The following PPP1R27 variants were observed in gnomAD, a reference collection of about 807,000 sequenced individuals.
The protein encoded by PPP1R27 is dysferlin interacting protein 1.
In PPP1R27, 10 loss-of-function variants were observed where a neutral mutation model predicts 12.0. That is an observed-to-expected ratio of 0.84 (90% CI 0.52 to 1.42). The LOEUF (loss-of-function observed/expected upper bound fraction) is 1.42, where lower values mean the gene tolerates loss of function less well. Among genes scored for constraint, PPP1R27 ranks in the 40% most tolerant of loss-of-function variants. The probability of loss-of-function intolerance (pLI) is 0.00; values close to 1 mark genes in which losing one functional copy is unlikely to be tolerated. For missense variants in PPP1R27, 246 were observed against 215.3 expected, an observed-to-expected ratio of 1.14 and a Z score of -0.89; for synonymous variants, 98 against 89.3, an observed-to-expected ratio of 1.10 and a Z score of -0.55.
Position 81,833,584 on chromosome 17 carries a change from C to T in PPP1R27, c.*145G>A. 4 of 793,312 alleles carry T rather than the reference C, an allele frequency of 5.0e-6. No individual in the cohort carries two copies. The highest frequency in any genetic ancestry group is 6.2e-5 in the Admixed American group (2 of 32,134). 49.1% of individuals were successfully genotyped at this position (793,312 alleles called of 1,614,324 possible). On this transcript the variant is annotated 3_prime_UTR_variant, in exon 3 of 3. Transcript: ENST00000330261. ...GTAAAAAATTCACCTGGGGACAAAG[C>T]CAGGCCTAGGAGGGGTGGCGGGGTC... is the stretch of plus-strand genomic sequence containing the variant.
Position 81,833,704 on chromosome 17 carries a change from G to C in PPP1R27, c.*25C>G. 1 of 1,543,720 alleles carries C rather than the reference G, an allele frequency of 6.5e-7. No individual in the cohort carries two copies. Among genetic ancestry groups the C allele is most frequent in the Non-Finnish European group, 8.7e-7 (1 of 1,145,848 alleles). ...CTTCTCCAGGGAGGCGGCCCTGGGCGCGGGGGCGGGCGGGCAAAGCTGGCT... is the reference window on the plus strand; with the variant it reads ...CTTCTCCAGGGAGGCGGCCCTGGGCCCGGGGGCGGGCGGGCAAAGCTGGCT... On this transcript the variant is annotated 3_prime_UTR_variant, in exon 3 of 3. Transcript: ENST00000330261.
In PPP1R27 at chr17:81,834,642, A is replaced by G. The variant is rs748377760; in HGVS notation, c.202T>C (p.Leu68=). The G allele has an allele frequency of 1.9e-6, 3 of 1,614,126 alleles. No individual in the cohort carries two copies. In the East Asian group the frequency reaches 6.7e-5, roughly 36 times the overall value. ...TTTCCAGAGAGCACGGCTTCATGCA[A>G]GGCGGCCAGGCCTGGGCAGGGAGGA... is the stretch of plus-strand genomic sequence containing the variant. ...ATIHPSGLAA[L]HEAVLSGNLE... The change falls in exon 2 of 3, where the codon TTG becomes CTG. Residue 68 remains leucine, a synonymous_variant. Coordinates refer to ENST00000330261, the MANE Select transcript of PPP1R27 (RefSeq NM_001007533.4).
intron 2 of PPP1R27, 60 bp from the exon 3 acceptor site, chr17:81,833,912 A>G (rs948740621): frequency 1.9e-6 from 3 of 1,560,822 alleles, no homozygotes; most frequent in Non-Finnish European, 2.6e-6. Context: ...GCTCGCCCCA[A>G]CCCGGGTCAG....
Position 81,833,698 on chromosome 17 carries a change from C to G in PPP1R27, c.*31G>C. ...GCGCGGCTTCTCCAGGGAGGCGGCC[C>G]TGGGCGCGGGGGCGGGCGGGCAAAG... On this transcript the variant is annotated 3_prime_UTR_variant, in exon 3 of 3. Transcript: ENST00000330261. 6 of 1,542,484 alleles carry G rather than the reference C, an allele frequency of 3.9e-6. No homozygotes were observed. The highest frequency in any genetic ancestry group is 1.2e-5 in the South Asian group (1 of 83,886).
At chr17:81,834,034 G>T in intron 2 of PPP1R27, 182 bp from the exon 3 acceptor site, 1 of 662,028 alleles carries the variant, frequency 1.5e-6, no homozygotes, top group Non-Finnish European at 2.5e-6. Context: ...AGCTTTTCAA[G>T]TTGGTTCTAT....
rs2038570858 is a variant in PPP1R27, at chr17:81,833,575, G to C, written c.*154C>G. 1 of 732,086 alleles carries C rather than the reference G, an allele frequency of 1.4e-6. No homozygotes were observed. 45.3% of individuals were successfully genotyped at this position (732,086 alleles called of 1,614,324 possible). ...AGTGTCACAGTAAAAAATTCACCTGGGGACAAAGCCAGGCCTAGGAGGGGT... is the reference window on the plus strand; with the variant it reads ...AGTGTCACAGTAAAAAATTCACCTGCGGACAAAGCCAGGCCTAGGAGGGGT... On this transcript the variant is annotated 3_prime_UTR_variant, in exon 3 of 3. Transcript: ENST00000330261.
At chr17:81,833,921 A>T in intron 2 of PPP1R27, 69 bp from the exon 3 acceptor site, 1 of 1,539,394 alleles carries the variant, frequency 6.5e-7, no homozygotes, top group Non-Finnish European at 8.8e-7. Context: ...AACCCGGGTC[A>T]GAGGGCCAGA....
At position 81,833,720 on chromosome 17, in the gene PPP1R27, A is replaced by G. The variant is rs2038573686; in HGVS notation, c.*9T>C. ...GCCCTGGGCGCGGGGGCGGGCGGGC[A>G]AAGCTGGCTCAGTCCATCGTGGTCC... On this transcript the variant is annotated 3_prime_UTR_variant, in exon 3 of 3. Coordinates refer to ENST00000330261, the MANE Select transcript of PPP1R27 (RefSeq NM_001007533.4). The G allele has an allele frequency of 2.6e-6, 4 of 1,547,026 alleles. No homozygotes were observed. Among genetic ancestry groups the G allele is most frequent in the Non-Finnish European group, 8.7e-7 (1 of 1,146,510 alleles).
rs760978001 is a variant in PPP1R27 at position 81,834,648 on chromosome 17, C to T, written c.196G>A (p.Ala66Thr). ...SLATIHPSGL[A>T]ALHEAVLSGN... is the part of the protein sequence containing the mutation. ...GAGAGCACGGCTTCATGCAAGGCGG[C>T]CAGGCCTGGGCAGGGAGGACGGGAG... The change falls in exon 2 of 3, where the codon GCC (alanine) becomes ACC (threonine). Residue 66 changes from alanine (A) to threonine (T), a missense_variant. Transcript: ENST00000330261. The T allele has an allele frequency of 6.2e-7, 1 of 1,614,122 alleles. No homozygotes were observed. The highest frequency in any genetic ancestry group is 8.5e-7 in the Non-Finnish European group (1 of 1,180,024).
At position 81,833,738 on chromosome 17, in the gene PPP1R27, C is replaced by G; in HGVS notation, c.456G>C (p.Thr152=). 6.5e-7 allele frequency: 1 copy of G among 1,550,088 alleles called. No homozygotes were observed. The highest frequency in any genetic ancestry group is 2.4e-5 in the East Asian group (1 of 40,938). Residue 152 remains threonine, a synonymous_variant, in exon 3 of 3, where the codon ACG becomes ACC. Coordinates refer to ENST00000330261, the MANE Select transcript of PPP1R27 (RefSeq NM_001007533.4). ...GGCGGGCAAAGCTGGCTCAGTCCAT[C>G]GTGGTCCCTTTGAAGAGCTCCACCA... ...KELVELFKGT[T]MD
Position 81,834,494 on chromosome 17 carries a change from C to T in PPP1R27, c.341+9G>A, listed in dbSNP as rs2038586451. 5.0e-6 allele frequency: 8 copies of T among 1,613,492 alleles called. No individual in the cohort carries two copies. The highest frequency in any genetic ancestry group is 6.8e-6 in the Non-Finnish European group (8 of 1,179,872). On this transcript the variant is annotated intron_variant, in intron 2 of 2. Transcript: ENST00000330261. Reference sequence around the variant, plus strand: ...GGTTCAAGCCTGTGTAGACCCAGGGCCCCCTCACCTGGCTATGTCAGGGTA... The same window carrying T: ...GGTTCAAGCCTGTGTAGACCCAGGGTCCCCTCACCTGGCTATGTCAGGGTA...
At chr17:81,833,937 G>A in intron 2 of PPP1R27, 85 bp from the exon 3 acceptor site, 1 of 1,490,200 alleles carries the variant, frequency 6.7e-7, no homozygotes, top group Non-Finnish European at 9.0e-7. Flanking sequence ...CCAGAGTCCT[G>A]GGGTCACCTG....
At position 81,834,835 on chromosome 17, in the gene PPP1R27, T is replaced by G; in HGVS notation, c.119A>C (p.Gln40Pro). 2 of 1,613,732 alleles carry G rather than the reference T, an allele frequency of 1.2e-6. No individual in the cohort carries two copies. Among genetic ancestry groups the G allele is most frequent in the South Asian group, 2.2e-5 (2 of 91,088 alleles). Residue 40 changes from glutamine to proline, a missense_variant, in exon 1 of 3, where the codon CAG (glutamine) becomes CCG (proline). Coordinates refer to ENST00000330261, the MANE Select transcript of PPP1R27 (RefSeq NM_001007533.4). The part of the protein sequence containing the change: ...NDVLFLDHIR[Q>P]GDLEQVGRFI... ...GCGCCCCACCTGCTCCAGGTCACCC[T>G]GCCGGATGTGGTCCAAGAACAGGAC...
At position 81,833,730 on chromosome 17, in the gene PPP1R27, C is replaced by G. The variant is rs753919024; in HGVS notation, c.464G>C (p.Ter155SerextTer71). 1 of 1,549,114 alleles carries G rather than the reference C, an allele frequency of 6.5e-7. No individual in the cohort carries two copies. Among genetic ancestry groups the G allele is most frequent in the Middle Eastern group, 2.0e-4 (1 of 5,120 alleles). The change falls in exon 3 of 3, where the codon TGA becomes TCA. Residue 155 changes from the stop codon to serine, a stop_lost. Coordinates refer to ENST00000330261, the MANE Select transcript of PPP1R27 (RefSeq NM_001007533.4). ...CGGGGGCGGGCGGGCAAAGCTGGCTCAGTCCATCGTGGTCCCTTTGAAGAG... is the reference window on the plus strand; with the variant it reads ...CGGGGGCGGGCGGGCAAAGCTGGCTGAGTCCATCGTGGTCCCTTTGAAGAG... ...VELFKGTTMD[*>S]
rs760539202 is a variant in PPP1R27, at chr17:81,833,837, C to A, written c.357G>T (p.Leu119=). 1 of 1,591,856 alleles carries A rather than the reference C, an allele frequency of 6.3e-7. No homozygotes were observed. Among genetic ancestry groups the A allele is most frequent in the East Asian group, 2.3e-5 (1 of 43,886 alleles). ...CGTTGGTTGCATCCCTGTCCGCTCC[C>A]AGGGAGATAAGGTACCTGGGGTGTA... ...YPDIARYLIS[L]GADRDATNDD... is the part of the protein sequence containing the mutation. The change falls in exon 3 of 3, where the codon CTG becomes CTT. Residue 119 remains leucine (L), a synonymous_variant. Transcript: ENST00000330261.
In PPP1R27 at chr17:81,834,767, AG is replaced by A; in HGVS notation, c.186del (p.Ser63GlnfsTer18). ...AGCTCTTCCAGGCTTTGCTCACCTG[AG>A]GGGTGGATGGTGGCCAGGGAGACTT... The part of the protein sequence containing the change: ...TRKVSLATIH[P>X]SGLAALHEAV... On this transcript the variant is annotated frameshift_variant, in exon 1 of 3. Coordinates refer to ENST00000330261, the MANE Select transcript of PPP1R27 (RefSeq NM_001007533.4). LOFTEE classifies it high-confidence loss of function. 3 of 1,612,082 alleles carry A rather than the reference AG, an allele frequency of 1.9e-6. No individual in the cohort carries two copies. Among genetic ancestry groups the A allele is most frequent in the Non-Finnish European group, 2.5e-6 (3 of 1,178,954 alleles).
Position 81,834,929 on chromosome 17 carries a change from C to T in PPP1R27, c.25G>A (p.Ala9Thr). ...CGCCGCTGCCGTGGGCTGTAGCGGG[C>T]ATAGCGGGCAGTTCTGCTAGGCATC... MPSRTARY[A>T]RYSPRQRRRR... Residue 9 changes from alanine (A) to threonine (T), a missense_variant, in exon 1 of 3, where the codon GCC becomes ACC. Ala to Thr is a moderately conservative substitution (Grantham distance 58). Coordinates refer to ENST00000330261, the MANE Select transcript of PPP1R27 (RefSeq NM_001007533.4). 1 of 1,609,378 alleles carries T rather than the reference C, an allele frequency of 6.2e-7. No homozygotes were observed. The highest frequency in any genetic ancestry group is 8.5e-7 in the Non-Finnish European group (1 of 1,178,190).
rs2143279894 is a variant in PPP1R27 at position 81,833,652 on chromosome 17, A to T, written c.*77T>A. 2.0e-6 allele frequency: 3 copies of T among 1,474,900 alleles called. No homozygotes were observed. In the African/African-American group the frequency reaches 4.2e-5, roughly 21 times the overall value. The allele number at this position is 1,474,900 out of a possible 1,614,324, so 91.4% of individuals were successfully genotyped here. A position where few individuals can be genotyped will look rare whatever the true frequency, so the allele number is the denominator to read the frequency against. On this transcript the variant is annotated 3_prime_UTR_variant, in exon 3 of 3. Transcript: ENST00000330261. ...GCCGCCCCTGGCCCACGGGTGGGGC[A>T]CGTGCTGGCCCATGGGCGACGCGCG...
chr17:81,833,576 G>T lies in PPP1R27; in HGVS notation c.*153C>A, dbSNP rs951065080. 1.6e-5 allele frequency: 12 copies of T among 741,546 alleles called. No homozygotes were observed. The highest frequency in any genetic ancestry group is 1.1e-4 in the African/African-American group (6 of 55,058). 45.9% of individuals were successfully genotyped at this position (741,546 alleles called of 1,614,324 possible). A position where few individuals can be genotyped will look rare whatever the true frequency, so the allele number is the denominator to read the frequency against. On this transcript the variant is annotated 3_prime_UTR_variant, in exon 3 of 3. Transcript: ENST00000330261. ...GTGTCACAGTAAAAAATTCACCTGGGGACAAAGCCAGGCCTAGGAGGGGTG... is the reference window on the plus strand; with the variant it reads ...GTGTCACAGTAAAAAATTCACCTGGTGACAAAGCCAGGCCTAGGAGGGGTG...
Sources: gnomAD v4.1 joint callset for allele counts on GRCh38, gnomAD v4.1.1 for gene constraint, MANE v1.5 for transcripts, NCBI Gene and HGNC (gene_info 2026-07-23, HGNC 2026-07-21) for gene names.